The following SCAI variants were observed in gnomAD, a reference collection of about 807,000 sequenced individuals.
The protein encoded by SCAI is protein SCAI.
In SCAI, 24 loss-of-function variants were observed where a neutral mutation model predicts 92.2. The ratio of observed to expected loss-of-function variants is 0.26; its 90% confidence interval spans 0.19 to 0.37. SCAI has a LOEUF of 0.37. Among genes scored for constraint, SCAI ranks in the 10% least tolerant of loss-of-function variants. SCAI has a pLI of 1.00. For synonymous variants in SCAI, 261 were observed against 258.6 expected, an observed-to-expected ratio of 1.01 and a Z score of -0.09; for missense variants, 450 against 736.2, an observed-to-expected ratio of 0.61 and a Z score of 4.50.
chr9:125,114,846 T>G (rs765197137), intron 2 of SCAI, among the ~76,000 whole-genome samples: 21 of 146,372 alleles, frequency 1.4e-4, no homozygotes, highest in Admixed American at 9.9e-4. Context: ...TGATCTCAGC[T>G]CACTGCAACC....
At chr9:124,998,191 G>A (rs922845479) in intron 13 of SCAI, among the ~76,000 whole-genome samples, 3 of 152,000 alleles carry the variant, frequency 2.0e-5, no homozygotes, top group Non-Finnish European at 2.9e-5. Context: ...CAGGCCCAGC[G>A]CGGTGGCTCA....
intron 1 of SCAI, among the ~76,000 whole-genome samples, chr9:125,143,109 C>T (rs1196814851): frequency 6.6e-6 from 1 of 151,264 alleles, no homozygotes; most frequent in African/African-American, 2.4e-5. Context: ...ACGGCCCCTC[C>T]GGGGGCGCGC....
chr9:125,094,432 T>C (rs1404543584), intron 2 of SCAI, among the ~76,000 whole-genome samples: 5 of 152,174 alleles, frequency 3.3e-5, no homozygotes, highest in African/African-American at 7.2e-5. Flanking sequence ...GTTCCATCAT[T>C]TCACTCAAAT....
intron 13 of SCAI, among the ~76,000 whole-genome samples, chr9:124,998,000 T>C (rs1012137033): frequency 1.3e-5 from 2 of 152,168 alleles, no homozygotes; most frequent in Admixed American, 6.5e-5. Context: ...AGACAGAGTC[T>C]CACTAAGTTG....
At chr9:124,964,955 C>T (rs1831509235) in intron 17 of SCAI, among the ~76,000 whole-genome samples, 1 of 151,386 alleles carries the variant, frequency 6.6e-6, no homozygotes. Context: ...CTGTTTAAAT[C>T]CTGGTGTTCA....
intron 2 of SCAI, among the ~76,000 whole-genome samples, chr9:125,126,573 T>TGG: frequency 7.4e-6 from 1 of 136,030 alleles, no homozygotes; most frequent in Non-Finnish European, 1.6e-5. Context: ...TGTGGGTGTG[T>TGG]GTGTGTGTGT....
At chr9:124,990,663 C>T (rs1832100120) in intron 14 of SCAI, among the ~76,000 whole-genome samples, 1 of 150,936 alleles carries the variant, frequency 6.6e-6, no homozygotes, top group South Asian at 2.1e-4. Context: ...ATTATCAATG[C>T]CAGTATATTA....
chr9:125,040,560 C>G (rs912787176), intron 3 of SCAI, among the ~76,000 whole-genome samples: 1 of 151,962 alleles, frequency 6.6e-6, no homozygotes, highest in Non-Finnish European at 1.5e-5. Flanking sequence ...ATATAATGAA[C>G]CAACTTATTT....
intron 3 of SCAI, among the ~76,000 whole-genome samples, chr9:125,054,103 C>G (rs1432552403): frequency 6.6e-6 from 1 of 152,048 alleles, no homozygotes; most frequent in African/African-American, 2.4e-5. Flanking sequence ...GTCTCCCGAG[C>G]AGCTGTGACT....
At chr9:125,025,556 C>T (rs1354360585) in intron 6 of SCAI, among the ~76,000 whole-genome samples, 1 of 152,110 alleles carries the variant, frequency 6.6e-6, no homozygotes, top group Non-Finnish European at 1.5e-5. Context: ...TAATTTATCT[C>T]GCCAAGAATT....
intron 2 of SCAI, among the ~76,000 whole-genome samples, chr9:125,108,835 G>A (rs1382198208): frequency 2.0e-5 from 3 of 152,098 alleles, no homozygotes; most frequent in African/African-American, 7.2e-5. Flanking sequence ...CCCTCTGCCC[G>A]GCCACCACCC....
chr9:125,038,005 C>T (rs1332770124), intron 3 of SCAI, among the ~76,000 whole-genome samples: 1 of 151,544 alleles, frequency 6.6e-6, no homozygotes, highest in Non-Finnish European at 1.5e-5. Flanking sequence ...GCCTGTAATC[C>T]CAGCACTTTG....
intron 2 of SCAI, among the ~76,000 whole-genome samples, chr9:125,136,663 A>C (rs529706914): frequency 1.3e-5 from 2 of 151,340 alleles, no homozygotes; most frequent in South Asian, 4.2e-4. Flanking sequence ...GTTTCGCTAC[A>C]TTGGCCAGAC....
intron 9 of SCAI, among the ~76,000 whole-genome samples, chr9:125,008,362 C>T (rs888127394): frequency 1.3e-5 from 2 of 152,128 alleles, no homozygotes; most frequent in African/African-American, 2.4e-5. Context: ...GTCTCGGACT[C>T]CTAACCTCAA....
At chr9:125,009,405 A>G (rs1179147020) in intron 9 of SCAI, among the ~76,000 whole-genome samples, 1 of 151,988 alleles carries the variant, frequency 6.6e-6, no homozygotes, top group Non-Finnish European at 1.5e-5. Context: ...AAGTAGCTGG[A>G]ATTATAGGCA....
chr9:125,053,682 C>T (rs187892755), intron 3 of SCAI, among the ~76,000 whole-genome samples: 74 of 152,190 alleles, frequency 4.9e-4, no homozygotes, highest in Non-Finnish European at 9.4e-4. Context: ...AGAATCACTG[C>T]TAATAGGAAC....
At chr9:125,060,569 G>T (rs1833751333) in intron 2 of SCAI, among the ~76,000 whole-genome samples, 1 of 152,194 alleles carries the variant, frequency 6.6e-6, no homozygotes, top group African/African-American at 2.4e-5. Flanking sequence ...CCCATGTGTT[G>T]TGGGAGGGAA....
At chr9:125,113,549 A>C (rs1031928535) in intron 2 of SCAI, among the ~76,000 whole-genome samples, 4 of 152,230 alleles carry the variant, frequency 2.6e-5, no homozygotes, top group Non-Finnish European at 5.9e-5. Flanking sequence ...ATTTCAGTTA[A>C]AAATTTTAAA....
rs954780451 is a variant in SCAI, at chr9:124,947,829, T to C, written c.*4978A>G. On this transcript the variant is annotated 3_prime_UTR_variant, in exon 18 of 18. Transcript: ENST00000336505. ...ACCCAAAACATCACCAGGAGACTCA[T>C]AGCATTCATATTCATATCAAATCTT... is the stretch of plus-strand genomic sequence containing the variant. 5.9e-5 allele frequency: 9 copies of C among 152,198 alleles called. No individual in the cohort carries two copies. The highest frequency in any genetic ancestry group is 2.0e-4 in the Admixed American group (3 of 15,284). The allele number at this position is 152,198 out of a possible 1,614,324, so 9.4% of individuals were successfully genotyped here.
Sources: gnomAD v4.1 joint callset for allele counts (sites outside exome capture counted in the v4.1 genomes callset) on GRCh38, gnomAD v4.1.1 for gene constraint, MANE v1.5 for transcripts, NCBI Gene and HGNC (gene_info 2026-07-23, HGNC 2026-07-21) for gene names.